Variants in SLC16A7 observed in about 807,000 individuals in gnomAD.
The protein encoded by SLC16A7 is monocarboxylate transporter 2.
A neutral mutation model predicts 34.9 loss-of-function variants in SLC16A7; 33 were observed. The observed-to-expected ratio is 0.94, with a 90% confidence interval of 0.72 to 1.26. The LOEUF (loss-of-function observed/expected upper bound fraction) is 1.26, where lower values mean the gene tolerates loss of function less well. SLC16A7 is among the 50% of genes most tolerant of loss of function. The pLI, the probability that SLC16A7 is intolerant of heterozygous loss-of-function variation, is 0.00. For synonymous variants in SLC16A7, 201 were observed against 206.6 expected (o/e 0.97, Z 0.23); for missense variants, 573 against 578.1 (o/e 0.99, Z 0.09).
intron 1 of SLC16A7, among the ~76,000 whole-genome samples, chr12:59,652,944 A>G (rs1351738979): frequency 6.6e-6 from 1 of 151,886 alleles, no homozygotes; most frequent in Non-Finnish European, 1.5e-5. Context: ...AGGCATGCCG[A>G]AACAAATAGA....
chr12:59,637,549 AT>A (rs992986697), intron 1 of SLC16A7, among the ~76,000 whole-genome samples: 2 of 152,026 alleles, frequency 1.3e-5, no homozygotes, highest in Non-Finnish European at 2.9e-5. Flanking sequence ...TTAGACTTAC[AT>A]AATAGGTTGA....
intron 1 of SLC16A7, among the ~76,000 whole-genome samples, chr12:59,632,911 T>C (rs1217382086): frequency 2.6e-5 from 4 of 151,828 alleles, no homozygotes; most frequent in Admixed American, 6.6e-5. Context: ...AAAGAAACTG[T>C]TGTGAATTAA....
chr12:59,779,974 G>A lies in SLC16A7; in HGVS notation c.*295G>A, dbSNP rs114255319. ...TTTTAAAGTCTTCCAGTGACTTTCG[G>A]TCTTGGTTATATGGAGAATTCTGAA... is the stretch of plus-strand genomic sequence containing the variant. On this transcript the variant is annotated 3_prime_UTR_variant, in exon 6 of 6. Transcript: ENST00000547379. 516 of 245,664 alleles carry A rather than the reference G, an allele frequency of 2.1e-3. 4 individuals are homozygous for A. The highest frequency in any genetic ancestry group is 0.011 in the African/African-American group (474 of 43,556). 15.2% of individuals were successfully genotyped at this position (245,664 alleles called of 1,614,324 possible).
chr12:59,596,573 G>A lies in SLC16A7; in HGVS notation c.-130+337G>A, dbSNP rs1354590458. On this transcript the variant is annotated intron_variant, in intron 1 of 5. Transcript: ENST00000547379. This position sits in a 1 kb window ranked among gnomAD's most constrained non-coding sequence, Gnocchi z 5.0. Reference sequence around the variant, plus strand: ...CTCACGCTCTCGGCTTTTACACCGAGACTCAGCGTGGCGCGGTGCACCCCA... The same window carrying A: ...CTCACGCTCTCGGCTTTTACACCGAAACTCAGCGTGGCGCGGTGCACCCCA... Among the ~76,000 whole-genome samples the A allele has an allele frequency of 1.3e-5, 2 of 152,068 alleles. No homozygotes were observed. The highest frequency in any genetic ancestry group is 4.8e-5 in the African/African-American group (2 of 41,404).
At chr12:59,632,147 G>T (rs1312283024) in intron 1 of SLC16A7, among the ~76,000 whole-genome samples, 1 of 151,526 alleles carries the variant, frequency 6.6e-6, no homozygotes, top group Non-Finnish European at 1.5e-5. Flanking sequence ...GAGGGAAGAT[G>T]GAACAGAAAG....
At chr12:59,687,782 G>A (rs1395905265) in intron 2 of SLC16A7, among the ~76,000 whole-genome samples, 1 of 152,072 alleles carries the variant, frequency 6.6e-6, no homozygotes, top group Non-Finnish European at 1.5e-5. Flanking sequence ...AGCAAGGACT[G>A]CTATAAAGGC....
chr12:59,718,197 G>T (rs1176835645), intron 3 of SLC16A7, among the ~76,000 whole-genome samples: 1 of 152,046 alleles, frequency 6.6e-6, no homozygotes, highest in African/African-American at 2.4e-5. Context: ...TTGTTGTGGT[G>T]ATTTTTTTCT....
chr12:59,635,820 A>C (rs1665471241), intron 1 of SLC16A7, among the ~76,000 whole-genome samples: 2 of 151,916 alleles, frequency 1.3e-5, no homozygotes, highest in Admixed American at 6.6e-5. Context: ...ACTGCACTTA[A>C]AACTCTTAAA....
chr12:59,603,124 T>C (rs1031240744), intron 1 of SLC16A7, among the ~76,000 whole-genome samples: 6 of 152,196 alleles, frequency 3.9e-5, no homozygotes, highest in Non-Finnish European at 8.8e-5. Flanking sequence ...TTTAATTATT[T>C]ATTTCTATTC....
chr12:59,776,607 T>C (rs910269630), intron 5 of SLC16A7, among the ~76,000 whole-genome samples: 3 of 152,168 alleles, frequency 2.0e-5, no homozygotes, highest in African/African-American at 7.2e-5. Context: ...CTACATGACA[T>C]CAAGGAACCA....
At chr12:59,610,324 C>T (rs2136966054) in intron 1 of SLC16A7, among the ~76,000 whole-genome samples, 1 of 152,264 alleles carries the variant, frequency 6.6e-6, no homozygotes, top group Non-Finnish European at 1.5e-5. Context: ...CAATACTTTA[C>T]TTTGTGACTC....
chr12:59,724,323 A>C (rs1338074809), intron 3 of SLC16A7, among the ~76,000 whole-genome samples: 3 of 152,096 alleles, frequency 2.0e-5, no homozygotes, highest in African/African-American at 2.4e-5. Context: ...CTCCCCTGAA[A>C]GCTAAGCTTG....
At chr12:59,727,561 A>G (rs924525888) in intron 3 of SLC16A7, among the ~76,000 whole-genome samples, 2 of 152,156 alleles carry the variant, frequency 1.3e-5, no homozygotes, top group African/African-American at 4.8e-5. Flanking sequence ...AGAGGAGTAA[A>G]TAATTCAGAA....
At chr12:59,721,828 A>G (rs1592574363) in intron 3 of SLC16A7, among the ~76,000 whole-genome samples, 1 of 152,026 alleles carries the variant, frequency 6.6e-6, no homozygotes, top group South Asian at 2.1e-4. Flanking sequence ...TCCATACAAC[A>G]CATTCTTGAT....
At chr12:59,662,565 G>C (rs1868912364) in intron 2 of SLC16A7, among the ~76,000 whole-genome samples, 1 of 152,062 alleles carries the variant, frequency 6.6e-6, no homozygotes, top group African/African-American at 2.4e-5. Flanking sequence ...GGCTCCTGGT[G>C]AACAGGTCTG....
At chr12:59,609,618 T>C (rs1487897934) in intron 1 of SLC16A7, among the ~76,000 whole-genome samples, 1 of 152,132 alleles carries the variant, frequency 6.6e-6, no homozygotes, top group Non-Finnish European at 1.5e-5. Context: ...ATTTAGGGTG[T>C]TGGTTTCTGA....
intron 3 of SLC16A7, among the ~76,000 whole-genome samples, chr12:59,707,138 G>A (rs2137150155): frequency 6.6e-6 from 1 of 152,202 alleles, no homozygotes; most frequent in South Asian, 2.1e-4. Context: ...ATTTTAGGGG[G>A]TATGCCTGGG....
At chr12:59,754,797 A>T (rs1487647545) in intron 3 of SLC16A7, among the ~76,000 whole-genome samples, 1 of 152,198 alleles carries the variant, frequency 6.6e-6, no homozygotes, top group Non-Finnish European at 1.5e-5. Flanking sequence ...GGGCAGAGAC[A>T]CAACCAAAAA....
chr12:59,779,305 T>C, intron 5 of SLC16A7, 118 bp from the exon 6 acceptor site: 1 of 782,066 alleles, frequency 1.3e-6, no homozygotes, highest in Admixed American at 3.1e-5. Flanking sequence ...ATTTTTAAAG[T>C]CTTATTTGAC....
Sources: allele counts gnomAD v4.1 joint callset (sites outside exome capture counted in the v4.1 genomes callset), GRCh38; gene constraint gnomAD v4.1.1; non-coding constraint Gnocchi (gnomAD v3.1); transcripts MANE v1.5; gene names NCBI Gene and HGNC (gene_info 2026-07-23, HGNC 2026-07-21).